The following TBC1D8B variants were observed in gnomAD, a reference collection of about 807,000 sequenced individuals.
TBC1D8B encodes the protein TBC1 domain family member 8B, also known as RP11-321G1.1.
TBC1D8B carries 75 observed loss-of-function variants against 82.9 expected under a neutral mutation model. That is an observed-to-expected ratio of 0.90 (90% CI 0.75 to 1.10). The LOEUF is 1.10. Among genes scored for constraint, TBC1D8B ranks in the 50% least tolerant of loss-of-function variants. The pLI is 0.00. For synonymous variants in TBC1D8B, 276 were observed against 276.8 expected (o/e 1.00, Z 0.03); for missense variants, 794 against 796.9 (o/e 1.00, Z 0.04).
Position 106,864,623 on chromosome X carries a change from A to T in TBC1D8B, c.2353-936A>T, listed in dbSNP as rs370901441. 1.6e-3 allele frequency among the ~76,000 whole-genome samples: 168 copies of T among 102,164 alleles called. 1 individual carries two copies. The highest frequency in any genetic ancestry group is 5.8e-3 in the African/African-American group (157 of 27,202). The allele number at this position is 102,164 out of a possible 115,157, so 88.7% of individuals were successfully genotyped here. A position where few individuals can be genotyped will look rare whatever the true frequency, so the allele number is the denominator to read the frequency against. On this transcript the variant is annotated intron_variant, in intron 14 of 20. Transcript: ENST00000357242. ...AACCTCTGCCTCCCGGGTTCAAGTGATTCTTGTGCCTCAGTCTCCTGAGTA... is the reference window on the plus strand; with the variant it reads ...AACCTCTGCCTCCCGGGTTCAAGTGTTTCTTGTGCCTCAGTCTCCTGAGTA...
chrX:106,839,070 GT>G (rs1242775109), intron 7 of TBC1D8B, among the ~76,000 whole-genome samples: 1 of 111,591 alleles, frequency 9.0e-6, no homozygotes, highest in Non-Finnish European at 1.9e-5. Context: ...TATTTTGAAT[GT>G]TTTGCCACTA....
Position 106,855,241 on chromosome X carries a change from A to G in TBC1D8B, c.2352+945A>G, listed in dbSNP as rs374114277. On this transcript the variant is annotated intron_variant, in intron 14 of 20. Coordinates refer to ENST00000357242, the MANE Select transcript of TBC1D8B (RefSeq NM_017752.3). ...TTCAATTGAATAATTCAGTGAGGTT[A>G]CTGTGACATAGTTAGCATAGGGCCC... is the stretch of plus-strand genomic sequence containing the variant. Among the ~76,000 whole-genome samples, 177 of 112,544 alleles carry G rather than the reference A, an allele frequency of 1.6e-3. 1 individual carries two copies. The highest frequency in any genetic ancestry group is 5.3e-3 in the African/African-American group (163 of 31,033).
At chrX:106,808,986 A>AT (rs973636811) in intron 1 of TBC1D8B, among the ~76,000 whole-genome samples, 1 of 111,737 alleles carries the variant, frequency 8.9e-6, no homozygotes, top group African/African-American at 3.3e-5. Context: ...ATATAGTGAG[A>AT]TAAAAAATAT....
chrX:106,812,488 T>G (rs1055009337), intron 1 of TBC1D8B, among the ~76,000 whole-genome samples: 4 of 111,910 alleles, frequency 3.6e-5, no homozygotes, highest in African/African-American at 1.3e-4. Flanking sequence ...AATTAGGAAG[T>G]TCATTACATG....
chrX:106,834,748 C>T (rs1932132023), intron 7 of TBC1D8B, among the ~76,000 whole-genome samples: 1 of 112,121 alleles, frequency 8.9e-6, no homozygotes, highest in African/African-American at 3.2e-5. Context: ...CCATACAAGT[C>T]TGAAATCCAG....
At chrX:106,862,433 C>T (rs769279905) in intron 14 of TBC1D8B, among the ~76,000 whole-genome samples, 1 of 111,840 alleles carries the variant, frequency 8.9e-6, no homozygotes, top group East Asian at 2.8e-4. Flanking sequence ...GTAAGTTTTT[C>T]AGCCCTATCA....
chrX:106,873,955 C>G lies in TBC1D8B; in HGVS notation c.3353C>G (p.Thr1118Ser). Residue 1118 changes from threonine to serine, a missense_variant, in exon 21 of 21, where the codon ACC becomes AGC. Transcript: ENST00000357242. ...AGAATTTCTCAGTTAAGGTCTAGAA[C>G]CAAGATGTAAATCCCTAGGAATTGC... ...NARISQLRSR[T>S]KM is the part of the protein sequence containing the mutation. 1 of 1,183,313 alleles carries G rather than the reference C, an allele frequency of 8.5e-7. No individual in the cohort carries two copies. Among genetic ancestry groups the G allele is most frequent in the South Asian group, 2.0e-5 (1 of 50,893 alleles).
chrX:106,855,558 A>T (rs1474391885), intron 14 of TBC1D8B, among the ~76,000 whole-genome samples: 7 of 112,157 alleles, frequency 6.2e-5, no homozygotes, highest in African/African-American at 2.3e-4. Context: ...GTAAATATAG[A>T]TCTACCTCAC....
At chrX:106,807,938 A>T (rs1314167715) in intron 1 of TBC1D8B, among the ~76,000 whole-genome samples, 1 of 110,337 alleles carries the variant, frequency 9.1e-6, no homozygotes, top group African/African-American at 3.3e-5. Flanking sequence ...CTGTAGTCCC[A>T]GCTACTGATG....
At chrX:106,861,931 C>T (rs1353243063) in intron 14 of TBC1D8B, among the ~76,000 whole-genome samples, 1 of 112,039 alleles carries the variant, frequency 8.9e-6, no homozygotes, top group East Asian at 2.8e-4. Flanking sequence ...TAAGGCAGAT[C>T]TAATGAACAT....
At chrX:106,872,451 AT>A (rs1272055625) in intron 20 of TBC1D8B, among the ~76,000 whole-genome samples, 4 of 17,439 alleles carry the variant, frequency 2.3e-4, no homozygotes, top group African/African-American at 6.6e-4. Flanking sequence ...ACCCAGAAAA[AT>A]ATTTATATAT....
rs1181091591 is a variant in TBC1D8B at position 106,862,776 on chromosome X, G to GTTTTTTTTT, written c.2353-2765_2353-2757dup. On this transcript the variant is annotated intron_variant, in intron 14 of 20. Coordinates refer to ENST00000357242, the MANE Select transcript of TBC1D8B (RefSeq NM_017752.3). ...TTTTCCTTTGGATGGGTTTTTTTTT[G>GTTTTTTTTT]TTTTTTTTTTTTTTTTTTTTTTTTT... 6.9e-3 allele frequency among the ~76,000 whole-genome samples: 258 copies of GTTTTTTTTT among 37,231 alleles called. 2 individuals carry two copies. Among genetic ancestry groups the GTTTTTTTTT allele is most frequent in the African/African-American group, 0.016 (136 of 8,277 alleles). The allele number at this position is 37,231 out of a possible 115,157, so 32.3% of individuals were successfully genotyped here.
At chrX:106,834,447 GC>G (rs988250365) in intron 7 of TBC1D8B, among the ~76,000 whole-genome samples, 2 of 110,892 alleles carry the variant, frequency 1.8e-5, no homozygotes, top group Non-Finnish European at 3.8e-5. Context: ...GTGACACAGA[GC>G]CAAACCATAT....
chrX:106,862,507 A>G (rs1932782691), intron 14 of TBC1D8B, among the ~76,000 whole-genome samples: 1 of 111,129 alleles, frequency 9.0e-6, no homozygotes, highest in Admixed American at 9.6e-5. Flanking sequence ...CTTTTATTGT[A>G]TTCCTTAGAT....
chrX:106,840,955 T>C (rs1047360303), intron 10 of TBC1D8B, 71 bp downstream of exon 10: 4 of 976,191 alleles, frequency 4.1e-6, no homozygotes, highest in Non-Finnish European at 5.7e-6. Context: ...ATTCCACTAA[T>C]TTGGAAGTGG....
In TBC1D8B at chrX:106,840,727, C is replaced by T; in HGVS notation, c.1562C>T (p.Ser521Phe). Reference sequence around the variant, plus strand: ...TATTATACTGAAGTGGTTGAGCAGTCCTTAGGGACCTGCAACTTGGCTACT... The same window carrying T: ...TATTATACTGAAGTGGTTGAGCAGTTCTTAGGGACCTGCAACTTGGCTACT... The part of the protein sequence containing the change: ...PDYYTEVVEQ[S>F]LGTCNLATEE... Residue 521 changes from serine to phenylalanine, a missense_variant, in exon 10 of 21, where the codon TCC becomes TTC. By Grantham distance (155) the Ser-to-Phe change is radical (BLOSUM62 -2). Transcript: ENST00000357242. The T allele has an allele frequency of 8.3e-7, 1 of 1,211,098 alleles. No homozygotes were observed. The highest frequency in any genetic ancestry group is 1.1e-6 in the Non-Finnish European group (1 of 895,141).
At chrX:106,862,787 T>G (rs772035345) in intron 14 of TBC1D8B, among the ~76,000 whole-genome samples, 1,341 of 95,069 alleles carry the variant, frequency 0.014, 12 homozygotes, top group Middle Eastern at 0.042. Context: ...TTTTTTTTTT[T>G]TTTTTTTTTT....
intron 10 of TBC1D8B, among the ~76,000 whole-genome samples, chrX:106,847,826 GTTCGTTTTCT>G (rs1932490517): frequency 9.0e-6 from 1 of 111,522 alleles, no homozygotes; most frequent in African/African-American, 3.2e-5. Flanking sequence ...TACAGATGAA[GTTCGTTTTCT>G]TTCGTTTTAG....
chrX:106,813,633 T>G (rs538323590), intron 1 of TBC1D8B, among the ~76,000 whole-genome samples: 1 of 112,120 alleles, frequency 8.9e-6, no homozygotes, highest in East Asian at 2.8e-4. Context: ...TATCCTGTAT[T>G]CAATAAAGTG....
Sources: allele counts gnomAD v4.1 joint callset (sites outside exome capture counted in the v4.1 genomes callset), GRCh38; gene constraint gnomAD v4.1.1; transcripts MANE v1.5; gene names NCBI Gene and HGNC (gene_info 2026-07-23, HGNC 2026-07-21).